Variants in PBX3 observed in about 807,000 individuals in gnomAD.
PBX3 encodes the protein PBX homeobox 3.
In PBX3, 14 loss-of-function variants were observed where a neutral mutation model predicts 48.5. That is an observed-to-expected ratio of 0.29 (90% CI 0.19 to 0.45). PBX3 has a LOEUF of 0.45. PBX3 is among the 20% of genes least tolerant of loss of function. The pLI, the probability that PBX3 is intolerant of heterozygous loss-of-function variation, is 1.00. For synonymous variants in PBX3, 210 were observed against 200.3 expected (o/e 1.05, Z -0.41); for missense variants, 386 against 546.7 (o/e 0.71, Z 2.93).
At chr9:125,927,703 A>G (rs951295865) in intron 3 of PBX3, among the ~76,000 whole-genome samples, 2 of 152,300 alleles carry the variant, frequency 1.3e-5, no homozygotes, top group Admixed American at 1.3e-4. Context: ...GCAGTACTGG[A>G]TTTCAGTGTA....
intron 2 of PBX3, among the ~76,000 whole-genome samples, chr9:125,874,353 C>T (rs1190618026): frequency 6.6e-6 from 1 of 151,958 alleles, no homozygotes; most frequent in African/African-American, 2.4e-5. Context: ...TTAATATAAC[C>T]GTGATATTGA....
chr9:125,933,383 G>A (rs964133453), intron 4 of PBX3, among the ~76,000 whole-genome samples: 2 of 152,196 alleles, frequency 1.3e-5, no homozygotes, highest in Admixed American at 6.5e-5. Flanking sequence ...CAGAATGTCC[G>A]GTGAGCTATT....
chr9:125,780,287 G>T (rs1235943837), intron 2 of PBX3, among the ~76,000 whole-genome samples: 204 of 136,116 alleles, frequency 1.5e-3, no homozygotes, highest in African/African-American at 5.3e-3. Context: ...CCCGGCAGAG[G>T]GGCTCCTCAC....
intron 2 of PBX3, among the ~76,000 whole-genome samples, chr9:125,768,521 G>C (rs1391185693): frequency 1.3e-5 from 2 of 152,102 alleles, no homozygotes; most frequent in African/African-American, 4.8e-5. Context: ...ACAATTATCA[G>C]CTTGTTATAT....
intron 2 of PBX3, among the ~76,000 whole-genome samples, chr9:125,820,347 A>G (rs1020486048): frequency 1.3e-5 from 2 of 152,216 alleles, no homozygotes; most frequent in Admixed American, 6.5e-5. Flanking sequence ...GCTTGTTTCT[A>G]TTCAGCACTC....
At chr9:125,867,704 C>A (rs1236344236) in intron 2 of PBX3, among the ~76,000 whole-genome samples, 1 of 150,484 alleles carries the variant, frequency 6.6e-6, no homozygotes, top group African/African-American at 2.4e-5. Flanking sequence ...AATATTGCAC[C>A]CAAATCAATT....
At chr9:125,754,614 C>T (rs547923269) in intron 2 of PBX3, among the ~76,000 whole-genome samples, 2 of 152,086 alleles carry the variant, frequency 1.3e-5, no homozygotes, top group Non-Finnish European at 1.5e-5. Context: ...AAATAAATTT[C>T]ATTAATCTTC....
intron 2 of PBX3, among the ~76,000 whole-genome samples, chr9:125,893,135 C>G (rs544097035): frequency 6.6e-6 from 1 of 152,270 alleles, no homozygotes; most frequent in Admixed American, 6.5e-5. Context: ...TCCTGTAGTT[C>G]TTGTTAACAA....
intron 2 of PBX3, among the ~76,000 whole-genome samples, chr9:125,786,994 G>A (rs1315042992): frequency 6.6e-6 from 1 of 151,804 alleles, no homozygotes; most frequent in African/African-American, 2.4e-5. Flanking sequence ...CAAAGTGCTG[G>A]GATTACAGGC....
At chr9:125,857,346 T>C (rs1290288720) in intron 2 of PBX3, among the ~76,000 whole-genome samples, 1 of 152,168 alleles carries the variant, frequency 6.6e-6, no homozygotes, top group Non-Finnish European at 1.5e-5. Context: ...GAGGGTCATG[T>C]CAATACACAA....
At chr9:125,904,274 A>G (rs919970234) in intron 2 of PBX3, among the ~76,000 whole-genome samples, 3 of 151,628 alleles carry the variant, frequency 2.0e-5, no homozygotes, top group African/African-American at 4.8e-5. Context: ...GTCATCCCAG[A>G]TTTTTCCATT....
chr9:125,800,184 T>C (rs536763830), intron 2 of PBX3, among the ~76,000 whole-genome samples: 1 of 152,292 alleles, frequency 6.6e-6, no homozygotes, highest in East Asian at 1.9e-4. Flanking sequence ...GATGTTCCAC[T>C]TCAAAGAAAC....
At chr9:125,748,491 G>A in intron 1 of PBX3, 59 bp from the exon 2 acceptor site, 2 of 1,583,856 alleles carry the variant, frequency 1.3e-6, no homozygotes, top group Admixed American at 1.7e-5. Flanking sequence ...TTAAAGGAAG[G>A]CGCCATATTA....
chr9:125,929,785 A>C lies in PBX3; in HGVS notation c.647A>C (p.Gln216Pro). The change falls in exon 4 of 9, where the codon CAG becomes CCG. Residue 216 changes from glutamine to proline, a missense_variant. By Grantham distance (76) the Gln-to-Pro change is moderately conservative. Around this residue, in one of 4 missense-constraint regions of PBX3, gnomAD observed 74 missense variants for 206.1 expected, o/e 0.36. Coordinates refer to ENST00000373489, the MANE Select transcript of PBX3 (RefSeq NM_006195.6). ...CGAAAATTTAGTTCCATTCAGATGC[A>C]GCTCAAACAAAGCACTTGTGAAGCA... Reference protein sequence around the residue: ...IHRKFSSIQMQLKQSTCEAVM... With the variant: ...IHRKFSSIQMPLKQSTCEAVM... The C allele has an allele frequency of 6.2e-7, 1 of 1,614,136 alleles. No homozygotes were observed. The highest frequency in any genetic ancestry group is 8.5e-7 in the Non-Finnish European group (1 of 1,179,966).
chr9:125,899,924 A>ATTTTCTTGATGTTAGC (rs6151179), intron 2 of PBX3, among the ~76,000 whole-genome samples: 1 of 151,352 alleles, frequency 6.6e-6, no homozygotes, highest in Admixed American at 6.6e-5. Flanking sequence ...CCCCAAAAGT[A>ATTTTCTTGATGTTAGC]TTTCATTTAT....
chr9:125,882,841 T>C (rs1840412254), intron 2 of PBX3, among the ~76,000 whole-genome samples: 1 of 152,216 alleles, frequency 6.6e-6, no homozygotes, highest in South Asian at 2.1e-4. Flanking sequence ...TTTTAGTCGC[T>C]ATATACCCCC....
At chr9:125,949,399 GAA>G (rs1245536823) in intron 5 of PBX3, 1 of 1,550,708 alleles carries the variant, frequency 6.4e-7, no homozygotes, top group African/African-American at 1.4e-5. Context: ...GGATCCAAAA[GAA>G]AGAGGGAGCA....
At chr9:125,888,610 G>A (rs1840559778) in intron 2 of PBX3, among the ~76,000 whole-genome samples, 1 of 151,318 alleles carries the variant, frequency 6.6e-6, no homozygotes, top group Admixed American at 6.6e-5. Flanking sequence ...TCCTAGATTG[G>A]GTACAAACTT....
At chr9:125,873,621 T>C (rs566799702) in intron 2 of PBX3, among the ~76,000 whole-genome samples, 1 of 151,224 alleles carries the variant, frequency 6.6e-6, no homozygotes, top group African/African-American at 2.5e-5. Context: ...TGTGGAGAAA[T>C]TGTCAAATTC....
Sources: allele counts gnomAD v4.1 joint callset (sites outside exome capture counted in the v4.1 genomes callset), GRCh38; gene constraint gnomAD v4.1.1; regional missense constraint gnomAD v4.1.1; transcripts MANE v1.5; gene names NCBI Gene and HGNC (gene_info 2026-07-23, HGNC 2026-07-21).